The following FLYWCH1 variants were observed in gnomAD, a reference collection of about 807,000 sequenced individuals.
FLYWCH1 encodes the protein FLYWCH-type zinc finger 1, also known as FLYWCH-type zinc finger-containing protein 1.
FLYWCH1 carries 75 observed loss-of-function variants against 66.4 expected under a neutral mutation model. The ratio of observed to expected loss-of-function variants is 1.13; its 90% CI spans 0.94 to 1.37. The LOEUF is 1.37. Among genes scored for constraint, FLYWCH1 ranks in the 40% most tolerant of loss-of-function variants. FLYWCH1 has a pLI of 0.00. For synonymous variants in FLYWCH1, 595 were observed against 429.9 expected, an observed-to-expected ratio of 1.38 and a Z score of -4.75; for missense variants, 1,334 against 1,001.8, an observed-to-expected ratio of 1.33 and a Z score of -4.48.
rs200982991 is a variant in FLYWCH1, at chr16:2,922,125, C to T, written c.-73-7488C>T. ...ATAAAAATCATATTCTGAATCATGG[C>T]GGGATAACTTTAGTTACTAGAAAAT... On this transcript the variant is annotated intron_variant, in intron 2 of 9. Transcript: ENST00000253928. Among the ~76,000 whole-genome samples, 6 of 152,098 alleles carry T rather than the reference C, an allele frequency of 3.9e-5. No homozygotes were observed. The South Asian group carries it at 6.2e-4, about 16-fold the overall frequency.
At position 2,933,450 on chromosome 16, in the gene FLYWCH1, C is replaced by G. The variant is rs751071790; in HGVS notation, c.1117C>G (p.Leu373Val). The G allele has an allele frequency of 3.7e-6, 6 of 1,601,244 alleles. No individual in the cohort carries two copies. In the South Asian group the frequency reaches 5.6e-5, roughly 15 times the overall value. Reference protein sequence around the residue: ...DTLLRGVDSLLYRRGPGPLTL... With the variant: ...DTLLRGVDSLVYRRGPGPLTL... ...GCTGCTCCGAGGCGTGGATAGTTTG[C>G]TCTACCGCAGGGGTCCGGGTCCCCT... Residue 373 changes from leucine to valine, a missense_variant, in exon 5 of 10, where the codon CTC becomes GTC. By Grantham distance (32) the Leu-to-Val change is conservative (BLOSUM62 1). Coordinates refer to ENST00000253928, the MANE Select transcript of FLYWCH1 (RefSeq NM_001308068.2).
intron 9 of FLYWCH1, among the ~76,000 whole-genome samples, chr16:2,942,643 T>C (rs1432444291): frequency 4.8e-5 from 2 of 41,962 alleles, no homozygotes; most frequent in Non-Finnish European, 8.7e-5. Context: ...AACCAATTAA[T>C]GTAACACAGC....
intron 4 of FLYWCH1, among the ~76,000 whole-genome samples, chr16:2,932,683 T>G (rs1056519794): frequency 2.0e-5 from 3 of 152,156 alleles, no homozygotes; most frequent in African/African-American, 7.2e-5. Context: ...ACCTTGTGTG[T>G]TTTATTCAAA....
At chr16:2,917,475 C>T (rs1416950675) in intron 2 of FLYWCH1, among the ~76,000 whole-genome samples, 1 of 151,910 alleles carries the variant, frequency 6.6e-6, no homozygotes, top group Non-Finnish European at 1.5e-5. Context: ...GTGATCCGCC[C>T]ATCTCAGCCT....
chr16:2,923,005 G>T, intron 2 of FLYWCH1: 2 of 482,552 alleles, frequency 4.1e-6, no homozygotes, highest in Admixed American at 2.4e-5. Context: ...GTGACGCGCG[G>T]ATCTTTTTTT....
At position 2,930,697 on chromosome 16, in the gene FLYWCH1, C is replaced by G. The variant is rs894290647; in HGVS notation, c.613C>G (p.Pro205Ala). 2.6e-6 allele frequency: 4 copies of G among 1,544,150 alleles called. No individual in the cohort carries two copies. The African/African-American group carries it at 5.5e-5, about 21-fold the overall frequency. The change falls in exon 4 of 10, where the codon CCT (proline) becomes GCT (alanine). Residue 205 changes from proline (P) to alanine (A), a missense_variant. Pro to Ala is a conservative substitution (Grantham distance 27, BLOSUM62 -1). Coordinates refer to ENST00000253928, the MANE Select transcript of FLYWCH1 (RefSeq NM_001308068.2). Reference sequence around the variant, plus strand: ...AGAGGGCTTGGGAGAGCCCCAGGGTCCTGAGGGCCCTGGAGGCCGAGTGGA... The same window carrying G: ...AGAGGGCTTGGGAGAGCCCCAGGGTGCTGAGGGCCCTGGAGGCCGAGTGGA... ...LPEGLGEPQG[P>A]EGPGGRVEEP... is the part of the protein sequence containing the mutation.
Position 2,948,955 on chromosome 16 carries a change from C to G in FLYWCH1, c.*228C>G, listed in dbSNP as rs953512208. The G allele has an allele frequency of 1.1e-5, 6 of 544,728 alleles. No individual in the cohort carries two copies. Among genetic ancestry groups the G allele is most frequent in the African/African-American group, 9.5e-5 (5 of 52,410 alleles). 33.7% of individuals were successfully genotyped at this position (544,728 alleles called of 1,614,324 possible). A position where few individuals can be genotyped will look rare whatever the true frequency, so the allele number is the denominator to read the frequency against. ...AGCTGGCGCTTGCAGACGCAGCTGT[C>G]GTGGGGCAGGGCGGTGGCGCCTTCC... On this transcript the variant is annotated 3_prime_UTR_variant, in exon 10 of 10. Transcript: ENST00000253928.
chr16:2,947,199 C>T (rs989929114), intron 9 of FLYWCH1, among the ~76,000 whole-genome samples: 4 of 152,176 alleles, frequency 2.6e-5, no homozygotes, highest in African/African-American at 9.7e-5. Flanking sequence ...CTTGAAAACA[C>T]CATCTTAAAG....
At chr16:2,941,129 C>T (rs921188049) in intron 9 of FLYWCH1, among the ~76,000 whole-genome samples, 3 of 152,014 alleles carry the variant, frequency 2.0e-5, no homozygotes, top group Non-Finnish European at 4.4e-5. Flanking sequence ...CTCAGAAATA[C>T]GTAGAAATTA....
At position 2,948,777 on chromosome 16, in the gene FLYWCH1, A is replaced by AAG. The variant is rs2151038392; in HGVS notation, c.*50_*51insAG. The AAG allele has an allele frequency of 6.4e-7, 1 of 1,566,836 alleles. No individual in the cohort carries two copies. Among genetic ancestry groups the AAG allele is most frequent in the East Asian group, 2.2e-5 (1 of 44,700 alleles). On this transcript the variant is annotated 3_prime_UTR_variant, in exon 10 of 10. Transcript: ENST00000253928. ...AGCCGCCCACCCAAGGTGGCTTCACATCCACACAGGCACTTCCCATCCACC... is the reference window on the plus strand; with the variant it reads ...AGCCGCCCACCCAAGGTGGCTTCACAAGTCCACACAGGCACTTCCCATCCACC...
chr16:2,942,541 G>A lies in FLYWCH1; in HGVS notation c.2111+2449G>A, dbSNP rs576359625. ...CTACAGACCAGTATTTCTTAGGAAC[G>A]TAGAATACCAGCAAACAGAATCCAG... On this transcript the variant is annotated intron_variant, in intron 9 of 9. Coordinates refer to ENST00000253928, the MANE Select transcript of FLYWCH1 (RefSeq NM_001308068.2). Among the ~76,000 whole-genome samples, 56 of 147,714 alleles carry A rather than the reference G, an allele frequency of 3.8e-4. No homozygotes were observed. In the South Asian group the frequency reaches 0.011, roughly 28 times the overall value.
chr16:2,933,902 A>T lies in FLYWCH1; in HGVS notation c.1436A>T (p.His479Leu), dbSNP rs754321432. 7.6e-6 allele frequency: 12 copies of T among 1,579,588 alleles called. No homozygotes were observed. Among genetic ancestry groups the T allele is most frequent in the Non-Finnish European group, 1.0e-5 (12 of 1,163,376 alleles). The change falls in exon 6 of 10, where the codon CAC (histidine) becomes CTC (leucine). Residue 479 changes from histidine (H) to leucine (L), a missense_variant. His to Leu is a moderately conservative substitution (Grantham distance 99). Transcript: ENST00000253928. ...GTGACTGTCATGCGTGGTCACTGCC[A>T]CCCGCCCGACCTGGGAGGCCTGGAG... is the stretch of plus-strand genomic sequence containing the variant. ...RRVTVMRGHC[H>L]PPDLGGLEAL...
chr16:2,938,449 G>C lies in FLYWCH1; in HGVS notation c.2043G>C (p.Glu681Asp), dbSNP rs202209107. ...GGCTCCCCACCACGGCCCAGCAGGA[G>C]GACCCAGGTACAGGCAGGCTGTGGG... ...RERLPTTAQQ[E>D]DPEKIQVQLC... is the part of the protein sequence containing the mutation. Residue 681 changes from glutamate (E) to aspartate (D), a missense_variant, in exon 8 of 10, where the codon GAG (glutamate) becomes GAC (aspartate). By Grantham distance (45) the Glu-to-Asp change is conservative. Transcript: ENST00000253928. 5.2e-6 allele frequency: 8 copies of C among 1,524,262 alleles called. No homozygotes were observed. Among genetic ancestry groups the C allele is most frequent in the Middle Eastern group, 3.5e-4 (2 of 5,652 alleles). 94.4% of individuals were successfully genotyped at this position (1,524,262 alleles called of 1,614,324 possible).
chr16:2,940,090 T>C lies in FLYWCH1; in HGVS notation c.2109T>C (p.Tyr703=). 1.5e-6 allele frequency: 2 copies of C among 1,305,800 alleles called. No individual in the cohort carries two copies. The highest frequency in any genetic ancestry group is 2.3e-5 in the East Asian group (1 of 43,412). 80.9% of individuals were successfully genotyped at this position (1,305,800 alleles called of 1,614,324 possible). Residue 703 remains tyrosine (Y), a splice_region_variant and synonymous_variant, in exon 9 of 10, where the codon TAT becomes TAC. Transcript: ENST00000253928. ...KTCSPESQQI[Y]GDIKDVRLDG... ...GTTCTCCTGAAAGCCAGCAGATTTA[T>C]GGGTAATTGTATTTGTTATCTAATG...
intron 3 of FLYWCH1, 68 bp from the exon 4 acceptor site, chr16:2,930,342 T>C: frequency 2.0e-6 from 2 of 1,006,772 alleles, no homozygotes; most frequent in Non-Finnish European, 2.8e-6. Flanking sequence ...ACGCCCTCCC[T>C]GGCTCTCTGT....
intron 9 of FLYWCH1, among the ~76,000 whole-genome samples, chr16:2,948,307 C>T (rs1411379725): frequency 1.3e-5 from 2 of 151,992 alleles, no homozygotes; most frequent in African/African-American, 2.4e-5. Context: ...GCCTGTAATC[C>T]CAGCACTTTG....
At chr16:2,925,297 C>T (rs569780801) in intron 2 of FLYWCH1, among the ~76,000 whole-genome samples, 1 of 152,178 alleles carries the variant, frequency 6.6e-6, no homozygotes, top group East Asian at 1.9e-4. Context: ...GGGGGGACCC[C>T]GGGAGGGTGC....
chr16:2,921,860 G>A (rs1316366581), intron 2 of FLYWCH1, among the ~76,000 whole-genome samples: 5 of 151,908 alleles, frequency 3.3e-5, no homozygotes, highest in Non-Finnish European at 5.9e-5. Flanking sequence ...TCGGAAGTTC[G>A]AGACCATCCT....
intron 9 of FLYWCH1, among the ~76,000 whole-genome samples, chr16:2,946,745 G>A (rs570283880): frequency 1.6e-4 from 24 of 152,168 alleles, no homozygotes; most frequent in Non-Finnish European, 2.2e-4. Flanking sequence ...ATGGCCGATA[G>A]GGATAGATTC....
Sources: gnomAD v4.1 joint callset for allele counts (sites outside exome capture counted in the v4.1 genomes callset) on GRCh38, gnomAD v4.1.1 for gene constraint, MANE v1.5 for transcripts, NCBI Gene and HGNC (gene_info 2026-07-23, HGNC 2026-07-21) for gene names.